IGSF11: variants seen among roughly 807,000 people sequenced by gnomAD.
IGSF11 encodes CXADR like 1.
IGSF11 carries 22 observed loss-of-function variants against 41.0 expected under a neutral mutation model. That is an observed-to-expected ratio of 0.54 (90% CI 0.38 to 0.77). The LOEUF is 0.77. IGSF11 is among the 30% of genes least tolerant of loss of function. IGSF11 has a pLI of 0.00. For synonymous variants in IGSF11, 219 were observed against 201.3 expected, an observed-to-expected ratio of 1.09 and a Z score of -0.74; for missense variants, 444 against 530.8, an observed-to-expected ratio of 0.84 and a Z score of 1.61.
chr3:119,047,769 T>A (rs1251852882), intron 1 of IGSF11, among the ~76,000 whole-genome samples: 2 of 152,088 alleles, frequency 1.3e-5, no homozygotes, highest in East Asian at 3.9e-4. Context: ...TCAGCAAATG[T>A]AAAAGAACAG....
chr3:119,030,940 A>AC (rs1940335483), intron 1 of IGSF11, among the ~76,000 whole-genome samples: 4 of 152,192 alleles, frequency 2.6e-5, no homozygotes, highest in Admixed American at 2.6e-4. Flanking sequence ...ATAACAATAG[A>AC]TGTGGAATCC....
In IGSF11 at chr3:119,089,258, T is replaced by G. The variant is rs114743890; in HGVS notation, c.49+15886A>C. ...AATCAAGTAGGCTTTATTCCTGGGATAGAAGGCTGGTTCAACATACACAAA... is the reference window on the plus strand; with the variant it reads ...AATCAAGTAGGCTTTATTCCTGGGAGAGAAGGCTGGTTCAACATACACAAA... On this transcript the variant is annotated intron_variant, in intron 1 of 6. Coordinates refer to the IGSF11 transcript ENST00000354673. Among the ~76,000 whole-genome samples the G allele has an allele frequency of 4.7e-3, 713 of 152,208 alleles. 13 individuals carry two copies. Among genetic ancestry groups the G allele is most frequent in the African/African-American group, 0.016 (682 of 41,550 alleles).
intron 1 of IGSF11, among the ~76,000 whole-genome samples, chr3:119,062,007 C>A (rs546590379): frequency 2.0e-5 from 3 of 152,188 alleles, no homozygotes; most frequent in South Asian, 4.2e-4. Context: ...AGTCACTTAA[C>A]CTCTGTATAT....
At chr3:119,082,597 G>A (rs1317640604) in intron 1 of IGSF11, among the ~76,000 whole-genome samples, 1 of 152,088 alleles carries the variant, frequency 6.6e-6, no homozygotes, top group African/African-American at 2.4e-5. Context: ...GATAAATTAT[G>A]ACAAAGTTCA....
chr3:119,062,939 T>TC (rs1942100127), intron 1 of IGSF11, among the ~76,000 whole-genome samples: 1 of 152,018 alleles, frequency 6.6e-6, no homozygotes, highest in Non-Finnish European at 1.5e-5. Context: ...TTAACTCCCC[T>TC]CCCCTCACTA....
intron 1 of IGSF11, among the ~76,000 whole-genome samples, chr3:119,049,241 A>G (rs1941508060): frequency 6.6e-6 from 1 of 151,472 alleles, no homozygotes; most frequent in Non-Finnish European, 1.5e-5. Flanking sequence ...TTGTATATCT[A>G]GAAAACCCCA....
intron 1 of IGSF11, among the ~76,000 whole-genome samples, chr3:119,004,168 A>G (rs1937218855): frequency 6.7e-6 from 1 of 148,156 alleles, no homozygotes. Context: ...TCAGAGATTC[A>G]ACTTCTTCCT....
intron 1 of IGSF11, among the ~76,000 whole-genome samples, chr3:119,050,769 G>T (rs1365720459): frequency 2.0e-5 from 3 of 151,610 alleles, no homozygotes; most frequent in Non-Finnish European, 4.4e-5. Context: ...ATGATAGACT[G>T]GATTAAGAAA....
chr3:119,143,045 A>G (rs777026308), intron 1 of IGSF11, among the ~76,000 whole-genome samples: 26 of 152,312 alleles, frequency 1.7e-4, no homozygotes, highest in Middle Eastern at 3.4e-3. Context: ...CCAGATAAAC[A>G]AATCCTAAGT....
chr3:118,963,779 T>C lies in IGSF11; in HGVS notation c.53-33504A>G, dbSNP rs116184117. 1.5e-3 allele frequency among the ~76,000 whole-genome samples: 236 copies of C among 152,318 alleles called. 3 individuals carry two copies. Among genetic ancestry groups the C allele is most frequent in the African/African-American group, 5.2e-3 (218 of 41,568 alleles). ...AAAGAGTCAATGTTTCTAATCTATATAGAGAGACAGAGAATCAATGTTTTT... is the reference window on the plus strand; with the variant it reads ...AAAGAGTCAATGTTTCTAATCTATACAGAGAGACAGAGAATCAATGTTTTT... On this transcript the variant is annotated intron_variant, in intron 1 of 6. Coordinates refer to ENST00000393775, the MANE Select transcript of IGSF11 (RefSeq NM_001015887.3).
chr3:119,044,933 A>G (rs979328789), intron 1 of IGSF11, among the ~76,000 whole-genome samples: 6 of 152,206 alleles, frequency 3.9e-5, no homozygotes, highest in African/African-American at 1.4e-4. Flanking sequence ...AACCTGAAAT[A>G]CACCAAAATA....
chr3:118,967,842 G>C (rs1945790098), intron 1 of IGSF11, among the ~76,000 whole-genome samples: 1 of 152,070 alleles, frequency 6.6e-6, no homozygotes, highest in Admixed American at 6.5e-5. Context: ...ACTATGCATT[G>C]GCAAGCAGTG....
chr3:119,079,241 C>T (rs1278172166), intron 1 of IGSF11, among the ~76,000 whole-genome samples: 1 of 151,962 alleles, frequency 6.6e-6, no homozygotes, highest in Non-Finnish European at 1.5e-5. Flanking sequence ...TGCCTGTAAT[C>T]CCAGCTACTT....
intron 1 of IGSF11, among the ~76,000 whole-genome samples, chr3:118,961,306 T>C (rs1288059674): frequency 1.3e-5 from 2 of 152,224 alleles, no homozygotes; most frequent in Non-Finnish European, 2.9e-5. Flanking sequence ...AGTCCCTGCA[T>C]AGAGCCTGCT....
At chr3:119,037,291 A>G (rs1297884536), upstream of IGSF11, among the ~76,000 whole-genome samples, 1 of 152,132 alleles carries the variant, frequency 6.6e-6, no homozygotes, top group Non-Finnish European at 1.5e-5. Context: ...TTTCACACCT[A>G]TTATCTGATT....
At chr3:119,024,821 A>C (rs1423474679) in intron 1 of IGSF11, among the ~76,000 whole-genome samples, 2 of 152,196 alleles carry the variant, frequency 1.3e-5, no homozygotes, top group African/African-American at 4.8e-5. Context: ...AAAAGCAGAG[A>C]AAGATCATAA....
At chr3:118,952,655 T>C (rs1341249333) in intron 1 of IGSF11, among the ~76,000 whole-genome samples, 2 of 152,136 alleles carry the variant, frequency 1.3e-5, no homozygotes, top group Non-Finnish European at 2.9e-5. Flanking sequence ...TGATTGAGCA[T>C]TTGTCAAACT....
At chr3:118,998,763 C>T (rs1025303570) in intron 1 of IGSF11, among the ~76,000 whole-genome samples, 1 of 151,780 alleles carries the variant, frequency 6.6e-6, no homozygotes, top group Non-Finnish European at 1.5e-5. Context: ...TTCAATTTGC[C>T]CTTTAATCTA....
At position 118,944,537 on chromosome 3, in the gene IGSF11, A is replaced by T. The variant is rs149631491; in HGVS notation, c.53-14262T>A. On this transcript the variant is annotated intron_variant, in intron 1 of 6. Coordinates refer to ENST00000393775, the MANE Select transcript of IGSF11 (RefSeq NM_001015887.3). ...CCTCTCATTTCTACCCATCCTTCAG[A>T]TTTCAAAATTCTGCTGACCTCCAGA... is the stretch of plus-strand genomic sequence containing the variant. Among the ~76,000 whole-genome samples, 19 of 151,466 alleles carry T rather than the reference A, an allele frequency of 1.3e-4. No homozygotes were observed. In the East Asian group the frequency reaches 3.3e-3, roughly 26 times the overall value.
Sources: allele counts gnomAD v4.1 joint callset (sites outside exome capture counted in the v4.1 genomes callset), GRCh38; gene constraint gnomAD v4.1.1; transcripts MANE v1.5; gene names NCBI Gene and HGNC (gene_info 2026-07-23, HGNC 2026-07-21).